Variants in KCNT2 observed in about 807,000 individuals in gnomAD.
KCNT2 encodes the protein potassium sodium-activated channel subfamily T member 2.
Under a neutral mutation model 153.8 loss-of-function variants are expected in KCNT2, and 67 were observed. That is an observed-to-expected ratio of 0.44 (90% confidence interval 0.36 to 0.53). The LOEUF is 0.53. Among genes scored for constraint, KCNT2 ranks in the 20% least tolerant of loss-of-function variants. KCNT2 has a pLI of 0.00. For synonymous variants in KCNT2, 500 were observed against 458.8 expected, an observed-to-expected ratio of 1.09 and a Z score of -1.15; for missense variants, 975 against 1,354.8, an observed-to-expected ratio of 0.72 and a Z score of 4.40.
At chr1:196,349,108 A>G (rs567005348) in intron 14 of KCNT2, among the ~76,000 whole-genome samples, 6 of 152,190 alleles carry the variant, frequency 3.9e-5, no homozygotes, top group Non-Finnish European at 7.4e-5. Flanking sequence ...TGTGTTTATT[A>G]TCCTTGACAT....
In KCNT2 at chr1:196,236,038, A is replaced by G. The variant is rs764566142; in HGVS notation, c.3244T>C (p.Tyr1082His). The G allele has an allele frequency of 6.2e-7, 1 of 1,602,620 alleles. No homozygotes were observed. Among genetic ancestry groups the G allele is most frequent in the East Asian group, 2.2e-5 (1 of 44,618 alleles). The change falls in exon 27 of 28, where the codon TAC becomes CAC. Residue 1082 changes from tyrosine to histidine, a missense_variant. By Grantham distance (83) the Tyr-to-His change is moderately conservative (BLOSUM62 2). Transcript: ENST00000294725. The part of the protein sequence containing the change: ...EMNDHQSTLS[Y>H]ILINPSPDTR... ...TCTGGAGATGGGTTAATCAGGATGT[A>G]GGAGAGGGTACTTTGATGATCATTC...
At chr1:196,608,158 C>T (rs1665529087) in intron 1 of KCNT2, 57 bp downstream of exon 1, 2 of 1,505,932 alleles carry the variant, frequency 1.3e-6, no homozygotes, top group African/African-American at 1.4e-5. Flanking sequence ...TCGGCCCTCC[C>T]ATTTCCGTCT....
intron 18 of KCNT2, among the ~76,000 whole-genome samples, chr1:196,329,021 GATAA>G (rs1405106221): frequency 6.6e-6 from 1 of 152,004 alleles, no homozygotes; most frequent in East Asian, 1.9e-4. Context: ...ATATTTATAA[GATAA>G]ATAAAGGAAA....
intron 20 of KCNT2, among the ~76,000 whole-genome samples, chr1:196,318,930 T>C (rs1224099595): frequency 6.6e-6 from 1 of 151,766 alleles, no homozygotes; most frequent in Non-Finnish European, 1.5e-5. Context: ...TATTTTTATA[T>C]ATATTTTTAA....
At chr1:196,518,390 G>A (rs1274263768) in intron 1 of KCNT2, among the ~76,000 whole-genome samples, 2 of 150,144 alleles carry the variant, frequency 1.3e-5, no homozygotes, top group African/African-American at 2.5e-5. Flanking sequence ...ACACATGAGA[G>A]GATCAAATCC....
intron 1 of KCNT2, among the ~76,000 whole-genome samples, chr1:196,501,091 ACAC>A (rs1480257047): frequency 6.6e-6 from 1 of 152,236 alleles, no homozygotes; most frequent in Non-Finnish European, 1.5e-5. Flanking sequence ...GTGCACTTAT[ACAC>A]CACTGGGAGG....
chr1:196,248,359 A>T (rs1459962348), intron 26 of KCNT2, among the ~76,000 whole-genome samples: 1 of 152,196 alleles, frequency 6.6e-6, no homozygotes, highest in South Asian at 2.1e-4. Flanking sequence ...CAAAAGAAAA[A>T]GTTGTTTTTT....
chr1:196,523,609 T>G (rs1004639080), intron 1 of KCNT2, among the ~76,000 whole-genome samples: 1 of 152,196 alleles, frequency 6.6e-6, no homozygotes, highest in African/African-American at 2.4e-5. Context: ...TTATTCTTGT[T>G]GAGTCCAGAA....
Position 196,342,832 on chromosome 1 carries a change from G to A in KCNT2, c.1404-604C>T, listed in dbSNP as rs536207054. Among the ~76,000 whole-genome samples, 17 of 152,018 alleles carry A rather than the reference G, an allele frequency of 1.1e-4. 1 individual carries two copies. The South Asian group carries it at 1.9e-3, about 17-fold the overall frequency. On this transcript the variant is annotated intron_variant, in intron 14 of 27. Transcript: ENST00000294725. ...ACACTTTTCTTATTTTAAATGTAAG[G>A]ATCTCTCCAACTAACTGAATATTCT...
chr1:196,243,828 T>C (rs1324485296), intron 26 of KCNT2, among the ~76,000 whole-genome samples: 3 of 152,034 alleles, frequency 2.0e-5, no homozygotes, highest in Admixed American at 6.6e-5. Context: ...ACAATGGACT[T>C]GATGGGGCAC....
chr1:196,570,345 A>T (rs535469561), intron 1 of KCNT2, among the ~76,000 whole-genome samples: 45 of 152,218 alleles, frequency 3.0e-4, no homozygotes, highest in Admixed American at 2.8e-3. Context: ...CATAATTTTA[A>T]TTTTGCCTGA....
At chr1:196,244,333 A>G (rs1184549830) in intron 26 of KCNT2, among the ~76,000 whole-genome samples, 2 of 152,010 alleles carry the variant, frequency 1.3e-5, no homozygotes, top group African/African-American at 4.8e-5. Context: ...AGTAAAGGGG[A>G]CTTTGTCTTG....
At chr1:196,331,717 T>G (rs1664482391) in intron 17 of KCNT2, among the ~76,000 whole-genome samples, 1 of 152,080 alleles carries the variant, frequency 6.6e-6, no homozygotes, top group African/African-American at 2.4e-5. Flanking sequence ...ACTCACAGCT[T>G]AGAAGATTTT....
chr1:196,264,885 CCT>C (rs1235353135), intron 25 of KCNT2, among the ~76,000 whole-genome samples: 4 of 152,154 alleles, frequency 2.6e-5, no homozygotes, highest in Non-Finnish European at 5.9e-5. Context: ...CCCATGTCAA[CCT>C]CTCAAAGTGC....
chr1:196,269,872 G>A lies in KCNT2; in HGVS notation c.2910+10988C>T, dbSNP rs192461268. The stretch of plus-strand genomic sequence containing the variant: ...CAAATAACAATTTTCAATATTTAAG[G>A]TTTACAATCCTTTTGTAACGTACTC... On this transcript the variant is annotated intron_variant, in intron 25 of 27. Transcript: ENST00000294725. 4.8e-3 allele frequency among the ~76,000 whole-genome samples: 734 copies of A among 152,058 alleles called. 7 individuals carry two copies. Among genetic ancestry groups the A allele is most frequent in the Admixed American group, 7.8e-3 (119 of 15,236 alleles).
intron 14 of KCNT2, among the ~76,000 whole-genome samples, chr1:196,367,813 G>T (rs368150279): frequency 6.6e-6 from 1 of 152,200 alleles, no homozygotes; most frequent in South Asian, 2.1e-4. Context: ...ATGTGACAGG[G>T]CTCTGACCAA....
chr1:196,574,381 T>C (rs1661122019), intron 1 of KCNT2, among the ~76,000 whole-genome samples: 1 of 151,202 alleles, frequency 6.6e-6, no homozygotes, highest in Non-Finnish European at 1.5e-5. Context: ...TACAAGAGAG[T>C]GAAAGAGAGT....
chr1:196,580,483 C>T (rs1661903328), intron 1 of KCNT2, among the ~76,000 whole-genome samples: 1 of 152,132 alleles, frequency 6.6e-6, no homozygotes, highest in African/African-American at 2.4e-5. Context: ...AGTTCTACCA[C>T]AGTGCTTGGT....
chr1:196,521,060 C>T (rs941298345), intron 1 of KCNT2, among the ~76,000 whole-genome samples: 2 of 151,846 alleles, frequency 1.3e-5, no homozygotes, highest in Non-Finnish European at 2.9e-5. Context: ...CTGAAAAAGT[C>T]TAATATCTAT....
Sources: allele counts gnomAD v4.1 joint callset (sites outside exome capture counted in the v4.1 genomes callset), GRCh38; gene constraint gnomAD v4.1.1; transcripts MANE v1.5; gene names NCBI Gene and HGNC (gene_info 2026-07-23, HGNC 2026-07-21).